Variants in CCDC178 observed in about 807,000 individuals in gnomAD.
CCDC178 encodes the protein coiled-coil domain-containing protein 178.
A neutral mutation model predicts 117.4 loss-of-function variants in CCDC178; 126 were observed. The observed-to-expected ratio is 1.07, with a 90% CI of 0.93 to 1.24. The LOEUF is 1.24. Ranked by LOEUF, CCDC178 falls within the 50% of genes most tolerant of loss-of-function variation. The pLI is 0.00. For missense variants in CCDC178, 1,030 were observed against 986.9 expected, an observed-to-expected ratio of 1.04 and a Z score of -0.59; for synonymous variants, 283 against 313.4, an observed-to-expected ratio of 0.90 and a Z score of 1.02.
intron 22 of CCDC178, 136 bp downstream of exon 22, chr18:32,974,411 A>G (rs1371079329): frequency 4.0e-6 from 3 of 741,118 alleles, no homozygotes; most frequent in African/African-American, 3.5e-5. Context: ...TTCTTCATGC[A>G]ATTCCAGTTT....
At chr18:33,120,191 G>C (rs998709678) in intron 20 of CCDC178, among the ~76,000 whole-genome samples, 3 of 143,704 alleles carry the variant, frequency 2.1e-5, no homozygotes, top group African/African-American at 8.3e-5. Flanking sequence ...TAATAATAAA[G>C]AAAGAAAAAA....
At chr18:33,240,150 G>A (rs1229319471) in intron 15 of CCDC178, among the ~76,000 whole-genome samples, 1 of 151,586 alleles carries the variant, frequency 6.6e-6, no homozygotes, top group Non-Finnish European at 1.5e-5. Flanking sequence ...ATGGGTGAAG[G>A]AAGAAATTAA....
At chr18:32,986,824 A>G (rs553738437) in intron 21 of CCDC178, among the ~76,000 whole-genome samples, 1 of 152,196 alleles carries the variant, frequency 6.6e-6, no homozygotes, top group South Asian at 2.1e-4. Context: ...TAACAATATT[A>G]TGTATGTCTG....
chr18:33,281,942 A>G (rs1173052491), intron 12 of CCDC178, among the ~76,000 whole-genome samples: 3 of 152,230 alleles, frequency 2.0e-5, no homozygotes, highest in African/African-American at 7.2e-5. Flanking sequence ...GTAAAGAGAG[A>G]GAGGGCAAGA....
chr18:32,995,632 T>A (rs907756014), intron 21 of CCDC178, among the ~76,000 whole-genome samples: 11 of 152,074 alleles, frequency 7.2e-5, no homozygotes, highest in Non-Finnish European at 1.3e-4. Context: ...GCCATATTCC[T>A]TCTAAAGAAT....
At chr18:33,133,783 G>A (rs1391665227) in intron 20 of CCDC178, among the ~76,000 whole-genome samples, 1 of 151,860 alleles carries the variant, frequency 6.6e-6, no homozygotes, top group African/African-American at 2.4e-5. Flanking sequence ...TTGCAAGGCT[G>A]TATTCTTAGT....
intron 20 of CCDC178, among the ~76,000 whole-genome samples, chr18:33,123,279 A>C (rs2057961406): frequency 6.6e-6 from 1 of 152,150 alleles, no homozygotes; most frequent in Non-Finnish European, 1.5e-5. Context: ...TGGTGTACCA[A>C]GACAAGTAAT....
intron 15 of CCDC178, among the ~76,000 whole-genome samples, chr18:33,244,422 C>T (rs2059523024): frequency 6.6e-6 from 1 of 151,660 alleles, no homozygotes; most frequent in Non-Finnish European, 1.5e-5. Flanking sequence ...TGTAATAATC[C>T]CCACATGTCA....
chr18:33,032,479 C>A (rs1282663520), intron 21 of CCDC178, among the ~76,000 whole-genome samples: 1 of 152,092 alleles, frequency 6.6e-6, no homozygotes, highest in African/African-American at 2.4e-5. Flanking sequence ...TTAGAGCTAT[C>A]TTACAATCTG....
At position 33,048,272 on chromosome 18, in the gene CCDC178, G is replaced by A. The variant is rs975696875; in HGVS notation, c.2388+44489C>T. On this transcript the variant is annotated intron_variant, in intron 21 of 22. Coordinates refer to ENST00000383096, the MANE Select transcript of CCDC178 (RefSeq NM_001105528.4). ...CAATAAACTTCTGATTTTTTAAGCC[G>A]TGCCAGTTTCTGGTACATTATTACA... Among the ~76,000 whole-genome samples, 10 of 152,076 alleles carry A rather than the reference G, an allele frequency of 6.6e-5. No homozygotes were observed. The East Asian group carries it at 7.7e-4, about 12-fold the overall frequency.
chr18:33,071,852 G>C (rs918581765), intron 21 of CCDC178, among the ~76,000 whole-genome samples: 1 of 152,258 alleles, frequency 6.6e-6, no homozygotes, highest in Admixed American at 6.5e-5. Context: ...AAGTAATTTA[G>C]AGTGTGCTCA....
At chr18:33,309,825 A>G (rs2062311194) in intron 11 of CCDC178, among the ~76,000 whole-genome samples, 1 of 152,170 alleles carries the variant, frequency 6.6e-6, no homozygotes. Flanking sequence ...ATAGACATAA[A>G]GATGTATTTT....
intron 21 of CCDC178, among the ~76,000 whole-genome samples, chr18:33,029,294 T>C (rs1480100348): frequency 1.3e-5 from 2 of 151,996 alleles, no homozygotes; most frequent in Non-Finnish European, 2.9e-5. Context: ...TCTAATTTGC[T>C]GGCATTCAAA....
At chr18:33,006,515 A>G (rs893346135) in intron 21 of CCDC178, among the ~76,000 whole-genome samples, 1 of 152,132 alleles carries the variant, frequency 6.6e-6, no homozygotes, top group Non-Finnish European at 1.5e-5. Flanking sequence ...TTGTATGTGT[A>G]GATACATTAT....
At chr18:33,424,470 A>C (rs1205643099) in intron 2 of CCDC178, among the ~76,000 whole-genome samples, 2 of 151,992 alleles carry the variant, frequency 1.3e-5, no homozygotes, top group Non-Finnish European at 2.9e-5. Context: ...ACAGGCGCAC[A>C]CCTCCACTTG....
rs143153598 is a variant in CCDC178 at position 32,937,831 on chromosome 18, T to C, written c.*180A>G. On this transcript the variant is annotated 3_prime_UTR_variant, in exon 23 of 23. Coordinates refer to ENST00000383096, the MANE Select transcript of CCDC178 (RefSeq NM_001105528.4). ...CTGACAGCAGCATGAAAGTCACCTG[T>C]TTCATTGTTATGGATTTGCTGTGAG... 1,708 of 573,000 alleles carry C rather than the reference T, an allele frequency of 3.0e-3. 25 individuals are homozygous for C. In the Admixed American group the frequency reaches 0.031, roughly 10 times the overall value. 35.5% of individuals were successfully genotyped at this position (573,000 alleles called of 1,614,324 possible). A position where few individuals can be genotyped will look rare whatever the true frequency, so the allele number is the denominator to read the frequency against.
In CCDC178 at chr18:33,352,714, G is replaced by A. The variant is rs1375225676; in HGVS notation, c.371+3610C>T. ...ATTTGTTTAATTTCCACATATATAT[G>A]AAATTTCCAGTTTTCCATTTGTTAT... On this transcript the variant is annotated intron_variant, in intron 7 of 22. Coordinates refer to ENST00000383096, the MANE Select transcript of CCDC178 (RefSeq NM_001105528.4). Among the ~76,000 whole-genome samples the A allele has an allele frequency of 2.0e-5, 3 of 152,010 alleles. 1 individual carries two copies. The highest frequency in any genetic ancestry group is 2.0e-4 in the Admixed American group (3 of 15,256).
Position 33,215,574 on chromosome 18 carries a change from A to C in CCDC178, c.2054T>G (p.Phe685Cys), listed in dbSNP as rs2059155363. The change falls in exon 19 of 23, where the codon TTT becomes TGT. Residue 685 changes from phenylalanine (F) to cysteine (C), a missense_variant. Transcript: ENST00000383096. ...LKAKEEEKKS[F>C]DQTLEILKNK... ...CTTTAATATTTCAAGTGTCTGATCA[A>C]AACTTTTCTTTTCTTCTTCTTTTGC... is the stretch of plus-strand genomic sequence containing the variant. The C allele has an allele frequency of 6.8e-7, 1 of 1,462,938 alleles. No homozygotes were observed. The highest frequency in any genetic ancestry group is 9.1e-7 in the Non-Finnish European group (1 of 1,095,894). The allele number at this position is 1,462,938 out of a possible 1,614,324, so 90.6% of individuals were successfully genotyped here. A position where few individuals can be genotyped will look rare whatever the true frequency, so the allele number is the denominator to read the frequency against.
intron 14 of CCDC178, among the ~76,000 whole-genome samples, chr18:33,246,912 A>T (rs2059556101): frequency 6.6e-6 from 1 of 151,982 alleles, no homozygotes; most frequent in South Asian, 2.1e-4. Context: ...GATCACTGGG[A>T]ATCAGAAAAG....
Sources: allele counts gnomAD v4.1 joint callset (sites outside exome capture counted in the v4.1 genomes callset), GRCh38; gene constraint gnomAD v4.1.1; transcripts MANE v1.5; gene names NCBI Gene and HGNC (gene_info 2026-07-23, HGNC 2026-07-21).